PNISR: variants seen among roughly 807,000 people sequenced by gnomAD.
The protein encoded by PNISR is PNN interacting serine and arginine rich protein, also known as arginine/serine-rich protein PNISR.
A neutral mutation model predicts 93.4 loss-of-function variants in PNISR; 20 were observed. The observed-to-expected ratio is 0.21, with a 90% CI of 0.15 to 0.31. PNISR has a LOEUF of 0.31. Ranked by LOEUF, PNISR falls within the 10% of genes least tolerant of loss-of-function variation. PNISR has a pLI of 1.00. For synonymous variants in PNISR, 305 were observed against 306.5 expected, an observed-to-expected ratio of 0.99 and a Z score of 0.05; for missense variants, 893 against 985.4, an observed-to-expected ratio of 0.91 and a Z score of 1.25.
intron 11 of PNISR, 46 bp downstream of exon 11, chr6:99,402,494 G>T (rs959070287): frequency 3.0e-6 from 4 of 1,347,340 alleles, no homozygotes; most frequent in African/African-American, 1.5e-5. Context: ...AAAATAAAAA[G>T]AAATACAAAA....
chr6:99,423,462 G>C (rs1348390122), intron 1 of PNISR, among the ~76,000 whole-genome samples: 1 of 151,262 alleles, frequency 6.6e-6, no homozygotes. Context: ...AAAGAGAACA[G>C]TATAAAAAGG....
chr6:99,415,253 T>C (rs1407171826), intron 2 of PNISR: 1 of 152,198 alleles, frequency 6.6e-6, no homozygotes, highest in Non-Finnish European at 1.5e-5. Flanking sequence ...AGGTGTCTAC[T>C]ATGCTCCCAG....
At chr6:99,408,026 G>A (rs1319633088) in intron 7 of PNISR, 55 bp downstream of exon 7, 2 of 1,332,556 alleles carry the variant, frequency 1.5e-6, no homozygotes, top group African/African-American at 1.5e-5. Context: ...TTTCAGTAAA[G>A]TTTTCACACA....
chr6:99,404,840 G>A (rs543368979), intron 8 of PNISR, 138 bp from the exon 9 acceptor site: 23 of 559,952 alleles, frequency 4.1e-5, no homozygotes, highest in African/African-American at 9.5e-5. Context: ...TCATACTGGC[G>A]TGATATTGGC....
intron 1 of PNISR, among the ~76,000 whole-genome samples, chr6:99,421,844 C>T (rs901202932): frequency 6.6e-6 from 1 of 152,114 alleles, no homozygotes; most frequent in African/African-American, 2.4e-5. Flanking sequence ...GCTTTGAGGT[C>T]CTAAAACAAC....
At chr6:99,409,897 T>G (rs9321534) in intron 5 of PNISR, 72,678 of 152,414 alleles carry the variant, frequency 0.48, 17,796 homozygotes, top group Middle Eastern at 0.63. Flanking sequence ...CATGCAAAAG[T>G]AGGGTAAGCA....
intron 8 of PNISR, 121 bp downstream of exon 8, chr6:99,405,909 AT>A: frequency 1.8e-6 from 1 of 566,322 alleles, no homozygotes. Context: ...TAAAAGGAGT[AT>A]CTCTTCAATT....
Position 99,401,608 on chromosome 6 carries a change from C to A in PNISR, c.1350G>T (p.Arg450Ser). ...QMEEEKQQTE[R>S]VTKEMNEFIH... ...TAAATTCATTCATCTCTTTTGTAAC[C>A]CTTTCTGTTTGCTGCTTTTCTTCTG... is the stretch of plus-strand genomic sequence containing the variant. Residue 450 changes from arginine (R) to serine (S), a missense_variant, in exon 12 of 12, where the codon AGG becomes AGT. Physicochemically the swap from Arg to Ser is moderately radical, Grantham distance 110. Coordinates refer to ENST00000369239, the MANE Select transcript of PNISR (RefSeq NM_032870.4). 1 of 1,544,550 alleles carries A rather than the reference C, an allele frequency of 6.5e-7. No homozygotes were observed. The highest frequency in any genetic ancestry group is 1.2e-5 in the South Asian group (1 of 81,088).
chr6:99,403,834 C>A lies in PNISR; in HGVS notation c.1151G>T (p.Gly384Val). Residue 384 changes from glycine to valine, a missense_variant, in exon 10 of 12, where the codon GGA becomes GTA. Around this residue, in one of 3 missense-constraint regions of PNISR, gnomAD observed 866 missense variants for 935.1 expected, o/e 0.93. Coordinates refer to ENST00000369239, the MANE Select transcript of PNISR (RefSeq NM_032870.4). Reference sequence around the variant, plus strand: ...CAAATATGGAAAACACTTACCGAGTCCAGTGAGGGAAGCCAGTGCACTGGA... The same window carrying A: ...CAAATATGGAAAACACTTACCGAGTACAGTGAGGGAAGCCAGTGCACTGGA... ...AQSSALASLT[G>V]LGGLGGYGSG... 6.2e-7 allele frequency: 1 copy of A among 1,612,598 alleles called. No homozygotes were observed. Among genetic ancestry groups the A allele is most frequent in the South Asian group, 1.1e-5 (1 of 90,990 alleles).
At position 99,400,500 on chromosome 6, in the gene PNISR, A is replaced by AT. The variant is rs1304803612; in HGVS notation, c.*39dup. 5.7e-6 allele frequency: 9 copies of AT among 1,568,322 alleles called. No individual in the cohort carries two copies. The highest frequency in any genetic ancestry group is 4.5e-5 in the East Asian group (2 of 44,524). On this transcript the variant is annotated 3_prime_UTR_variant, in exon 12 of 12. Transcript: ENST00000369239. ...TTTCAACTTTGAATAAATTCAGTCA[A>AT]TTTTTTTTAAAAATCAGACAAAATA...
intron 1 of PNISR, among the ~76,000 whole-genome samples, chr6:99,417,798 C>T (rs1562258799): frequency 6.6e-6 from 1 of 151,720 alleles, no homozygotes; most frequent in South Asian, 2.1e-4. Context: ...AAACCCCCGT[C>T]TCTACTAAAA....
intron 1 of PNISR, among the ~76,000 whole-genome samples, chr6:99,418,408 T>A (rs1486316222): frequency 6.6e-6 from 1 of 151,394 alleles, no homozygotes; most frequent in African/African-American, 2.4e-5. Flanking sequence ...AGTGCTGGGA[T>A]TATAGGTGTG....
At chr6:99,402,481 T>C (rs1213742614) in intron 11 of PNISR, 59 bp downstream of exon 11, 3 of 1,182,416 alleles carry the variant, frequency 2.5e-6, no homozygotes. Context: ...TTAGGTTAGT[T>C]AAAAAATAAA....
rs143514007 is a variant in PNISR, at chr6:99,404,618, G to A, written c.1087C>T (p.Arg363Cys). 8.8e-6 allele frequency: 14 copies of A among 1,582,268 alleles called. No individual in the cohort carries two copies. Among genetic ancestry groups the A allele is most frequent in the African/African-American group, 2.7e-5 (2 of 74,230 alleles). The change falls in exon 9 of 12, where the codon CGC becomes TGC. Residue 363 changes from arginine to cysteine, a missense_variant. Physicochemically the swap from Arg to Cys is radical, Grantham distance 180. This residue lies in a region of PNISR where 866 missense variants were observed against 935.1 expected (regional missense o/e 0.93). Coordinates refer to ENST00000369239, the MANE Select transcript of PNISR (RefSeq NM_032870.4). ...EIYYVAKDAH[R>C]KATKAPAKQL... ...CAAAATATACCTTTCGTTGCTTTGC[G>A]GTGTGCATCTTTGGCTACGTAATAA...
At chr6:99,417,664 G>T (rs1777877313) in intron 1 of PNISR, among the ~76,000 whole-genome samples, 1 of 152,036 alleles carries the variant, frequency 6.6e-6, no homozygotes, top group Admixed American at 6.5e-5. Context: ...CTATTAGGGG[G>T]TTTTAAAAAA....
chr6:99,403,736 G>C, intron 10 of PNISR, 93 bp downstream of exon 10: 1 of 890,796 alleles, frequency 1.1e-6, no homozygotes, highest in Non-Finnish European at 1.8e-6. Context: ...AAACTGAGTA[G>C]GACTAATACA....
At chr6:99,421,588 T>C (rs1778557666) in intron 1 of PNISR, among the ~76,000 whole-genome samples, 3 of 152,192 alleles carry the variant, frequency 2.0e-5, no homozygotes, top group Admixed American at 2.0e-4. Context: ...ACATCAAGGA[T>C]TGACAAGAAC....
In PNISR at chr6:99,403,896, C is replaced by T; in HGVS notation, c.1103-14G>A. 6.2e-7 allele frequency: 1 copy of T among 1,607,100 alleles called. No individual in the cohort carries two copies. The highest frequency in any genetic ancestry group is 8.5e-7 in the Non-Finnish European group (1 of 1,174,210). On this transcript the variant is annotated splice_polypyrimidine_tract_variant and intron_variant, in intron 9 of 11. Transcript: ENST00000369239. ...GTTTTGCAGGAGCTTTGTATCACAT[C>T]AACAACAGGAACAACATGTTAACAC...
At position 99,400,619 on chromosome 6, in the gene PNISR, C is replaced by G. The variant is rs773128958; in HGVS notation, c.2339G>C (p.Arg780Pro). Residue 780 changes from arginine to proline, a missense_variant, in exon 12 of 12, where the codon CGA becomes CCA. Physicochemically the swap from Arg to Pro is moderately radical, Grantham distance 103 (BLOSUM62 -2). Transcript: ENST00000369239. ...EKKAKKPKHS[R>P]SRSVEKSQRS... ...TTGAGATTTCTCCACGGATCGCGAT[C>G]GACTATGTTTAGGCTTCTTAGCCTT... The G allele has an allele frequency of 6.2e-7, 1 of 1,613,948 alleles. No homozygotes were observed. The highest frequency in any genetic ancestry group is 2.2e-5 in the East Asian group (1 of 44,876).
Sources: gnomAD v4.1 joint callset for allele counts (sites outside exome capture counted in the v4.1 genomes callset) on GRCh38, gnomAD v4.1.1 for gene constraint, gnomAD v4.1.1 regional missense constraint, MANE v1.5 for transcripts, NCBI Gene and HGNC (gene_info 2026-07-23, HGNC 2026-07-21) for gene names.